The following CNTN5 variants were observed in gnomAD, a reference collection of about 807,000 sequenced individuals.
The protein encoded by CNTN5 is contactin 5.
In CNTN5, 77 loss-of-function variants were observed where a neutral mutation model predicts 129.1. The ratio of observed to expected loss-of-function variants is 0.60; its 90% CI spans 0.50 to 0.72. The LOEUF is 0.72. CNTN5 is among the 30% of genes least tolerant of loss of function. The probability of loss-of-function intolerance (pLI) is 0.00; values close to 1 mark genes in which losing one functional copy is unlikely to be tolerated. For synonymous variants in CNTN5, 509 were observed against 465.6 expected, an observed-to-expected ratio of 1.09 and a Z score of -1.20; for missense variants, 1,478 against 1,328.8, an observed-to-expected ratio of 1.11 and a Z score of -1.75.
At chr11:99,350,132 C>T (rs993840756) in intron 2 of CNTN5, among the ~76,000 whole-genome samples, 8 of 152,080 alleles carry the variant, frequency 5.3e-5, no homozygotes, top group African/African-American at 1.9e-4. Flanking sequence ...ATTTTTAACA[C>T]TAAAACACCT....
chr11:99,471,983 A>G (rs902023887), intron 2 of CNTN5, among the ~76,000 whole-genome samples: 1 of 152,128 alleles, frequency 6.6e-6, no homozygotes, highest in Non-Finnish European at 1.5e-5. Flanking sequence ...TACATATTTT[A>G]TGTATATTAT....
At chr11:99,354,313 A>C (rs74975472) in intron 2 of CNTN5, among the ~76,000 whole-genome samples, 12,388 of 152,176 alleles carry the variant, frequency 0.081, 723 homozygotes, top group African/African-American at 0.16. Flanking sequence ...GCCAATCATC[A>C]TTTGACCTTA....
At chr11:99,765,247 G>T (rs533627567) in intron 3 of CNTN5, among the ~76,000 whole-genome samples, 1 of 151,668 alleles carries the variant, frequency 6.6e-6, no homozygotes, top group Non-Finnish European at 1.5e-5. Flanking sequence ...AAAAATAATT[G>T]GGATTAAAGA....
At chr11:99,663,502 A>C (rs1472973477) in intron 3 of CNTN5, among the ~76,000 whole-genome samples, 1 of 152,084 alleles carries the variant, frequency 6.6e-6, no homozygotes, top group East Asian at 1.9e-4. Flanking sequence ...AAGAAACAAA[A>C]AGACACGTTA....
chr11:99,069,930 G>T (rs2135243249), intron 1 of CNTN5, among the ~76,000 whole-genome samples: 1 of 152,260 alleles, frequency 6.6e-6, no homozygotes. Context: ...AGCAGGGAAG[G>T]ATTTAATTAG....
At chr11:99,136,823 T>C (rs1389202201) in intron 1 of CNTN5, among the ~76,000 whole-genome samples, 1 of 152,168 alleles carries the variant, frequency 6.6e-6, no homozygotes, top group African/African-American at 2.4e-5. Context: ...CATCCCACTG[T>C]TGATGAATTT....
At chr11:99,174,002 T>TG (rs1565377270) in intron 1 of CNTN5, among the ~76,000 whole-genome samples, 3 of 150,888 alleles carry the variant, frequency 2.0e-5, no homozygotes, top group South Asian at 2.1e-4. Context: ...AAAATGCCTT[T>TG]TGTGTGTGTG....
chr11:100,222,113 C>A (rs1012494134), intron 15 of CNTN5, among the ~76,000 whole-genome samples: 2 of 152,162 alleles, frequency 1.3e-5, no homozygotes, highest in Admixed American at 1.3e-4. Flanking sequence ...AACTTTTAAT[C>A]TTTCCTGTTT....
chr11:99,164,185 G>T (rs1270897292), intron 1 of CNTN5, among the ~76,000 whole-genome samples: 13 of 151,870 alleles, frequency 8.6e-5, no homozygotes, highest in Non-Finnish European at 1.9e-4. Flanking sequence ...AATTAACAGG[G>T]CATGGTGGCA....
chr11:99,805,010 G>A (rs1946226368), intron 3 of CNTN5, among the ~76,000 whole-genome samples: 1 of 152,008 alleles, frequency 6.6e-6, no homozygotes, highest in Non-Finnish European at 1.5e-5. Context: ...GAAACCATAG[G>A]TAACTGTTTA....
chr11:99,786,839 A>T (rs1324283580), intron 3 of CNTN5, among the ~76,000 whole-genome samples: 2 of 152,238 alleles, frequency 1.3e-5, no homozygotes, highest in African/African-American at 4.8e-5. Flanking sequence ...CTTACACGTT[A>T]TACAAAAATT....
intron 3 of CNTN5, among the ~76,000 whole-genome samples, chr11:99,703,792 G>A (rs1954633133): frequency 6.6e-6 from 1 of 151,010 alleles, no homozygotes; most frequent in East Asian, 1.9e-4. Context: ...CAGATATATA[G>A]CATTTGAGTA....
intron 1 of CNTN5, among the ~76,000 whole-genome samples, chr11:99,205,182 A>AG (rs1859416274): frequency 7.0e-6 from 1 of 142,568 alleles, no homozygotes. Flanking sequence ...CAAACAAAAA[A>AG]AACTCCAAGA....
chr11:99,840,561 G>C (rs1043952302), intron 4 of CNTN5, among the ~76,000 whole-genome samples: 1 of 151,226 alleles, frequency 6.6e-6, no homozygotes, highest in African/African-American at 2.4e-5. Flanking sequence ...GCATTTCACA[G>C]ACAATAACCA....
At chr11:100,191,292 C>T (rs1446049112) in intron 14 of CNTN5, 39 bp downstream of exon 14, 4 of 1,563,906 alleles carry the variant, frequency 2.6e-6, no homozygotes, top group East Asian at 2.3e-5. Context: ...AGCATAGTCT[C>T]ATGGTCTTAT....
intron 2 of CNTN5, among the ~76,000 whole-genome samples, chr11:99,405,474 G>A (rs535989603): frequency 2.0e-5 from 3 of 151,646 alleles, no homozygotes; most frequent in Non-Finnish European, 2.9e-5. Flanking sequence ...CTGCTTGATC[G>A]TTTCTTCTAT....
At chr11:99,774,419 G>T (rs1405894328) in intron 3 of CNTN5, among the ~76,000 whole-genome samples, 6 of 150,564 alleles carry the variant, frequency 4.0e-5, no homozygotes, top group African/African-American at 1.2e-4. Context: ...TATAAAGTTT[G>T]TGTGTCTCAT....
At chr11:99,215,101 A>G (rs1057486772) in intron 1 of CNTN5, among the ~76,000 whole-genome samples, 29 of 152,156 alleles carry the variant, frequency 1.9e-4, no homozygotes, top group African/African-American at 6.3e-4. Flanking sequence ...CCCAGAATAT[A>G]ACAGTGATCA....
rs1254195266 is a variant in CNTN5 at position 100,153,848 on chromosome 11, C to A, written c.1581-37278C>A. Among the ~76,000 whole-genome samples the A allele has an allele frequency of 2.0e-5, 3 of 151,862 alleles. No individual in the cohort carries two copies. The South Asian group carries it at 6.2e-4, about 32-fold the overall frequency. ...TTTATATATGGAATAGATTACCAGG[C>A]AGTAAAGTATTATTTCTAGTGCATA... On this transcript the variant is annotated intron_variant, in intron 13 of 24. Coordinates refer to ENST00000524871, the MANE Select transcript of CNTN5 (RefSeq NM_014361.4).
Sources: gnomAD v4.1 joint callset for allele counts (sites outside exome capture counted in the v4.1 genomes callset) on GRCh38, gnomAD v4.1.1 for gene constraint, MANE v1.5 for transcripts, NCBI Gene and HGNC (gene_info 2026-07-23, HGNC 2026-07-21) for gene names.